The following CUL2 variants were observed in gnomAD, a reference collection of about 807,000 sequenced individuals.
CUL2 encodes cullin-2.
A neutral mutation model predicts 110.2 loss-of-function variants in CUL2; 22 were observed. The ratio of observed to expected loss-of-function variants is 0.20; its 90% CI spans 0.14 to 0.28. The LOEUF is 0.28. Ranked by LOEUF, CUL2 falls within the 10% of genes least tolerant of loss-of-function variation. CUL2 has a pLI of 1.00. For missense variants in CUL2, 631 were observed against 905.5 expected, an observed-to-expected ratio of 0.70 and a Z score of 3.89; for synonymous variants, 279 against 293.2, an observed-to-expected ratio of 0.95 and a Z score of 0.49.
chr10:35,041,788 C>T (rs1017649280), intron 8 of CUL2, among the ~76,000 whole-genome samples: 1 of 152,190 alleles, frequency 6.6e-6, no homozygotes, highest in Non-Finnish European at 1.5e-5. Context: ...CTGCCCGCCT[C>T]AGCCTCCCAA....
At chr10:35,094,008 A>G (rs112112839), upstream of CUL2, among the ~76,000 whole-genome samples, 937 of 152,238 alleles carry the variant, frequency 6.2e-3, 12 homozygotes, top group African/African-American at 0.021. Context: ...TTTATCCTTT[A>G]AATTTCTAAT....
intron 1 of CUL2, among the ~76,000 whole-genome samples, chr10:35,083,814 A>G (rs1228001296): frequency 6.6e-6 from 1 of 152,212 alleles, no homozygotes; most frequent in Non-Finnish European, 1.5e-5. Context: ...ACCAGCCTGG[A>G]GCATAGCCTG....
chr10:35,010,940 CACATGG>C (rs2084884357), intron 20 of CUL2, among the ~76,000 whole-genome samples: 1 of 152,212 alleles, frequency 6.6e-6, no homozygotes, highest in Non-Finnish European at 1.5e-5. Flanking sequence ...AGCTGTCTAT[CACATGG>C]TAGGCTCAGA....
chr10:35,115,790 G>T (rs1411985496), intron 1 of CUL2, among the ~76,000 whole-genome samples: 1 of 152,022 alleles, frequency 6.6e-6, no homozygotes. Context: ...CTACTAGGGG[G>T]ACTGAGGCAG....
intron 1 of CUL2, among the ~76,000 whole-genome samples, chr10:35,107,399 T>C (rs1331232080): frequency 3.3e-5 from 5 of 152,164 alleles, no homozygotes; most frequent in African/African-American, 9.6e-5. Flanking sequence ...CAAGTGTTTT[T>C]CATAATTGTC....
upstream of CUL2, among the ~76,000 whole-genome samples, chr10:35,094,612 A>T (rs2087269009): frequency 6.6e-6 from 1 of 152,162 alleles, no homozygotes; most frequent in Non-Finnish European, 1.5e-5. Flanking sequence ...CTTCACTCTC[A>T]TCATGTTCCT....
At chr10:35,096,326 C>T (rs2087299286) in intron 2 of CUL2, among the ~76,000 whole-genome samples, 4 of 152,052 alleles carry the variant, frequency 2.6e-5, no homozygotes, top group South Asian at 2.1e-4. Flanking sequence ...ACGTGATGGC[C>T]GGGTACAGTG....
intron 3 of CUL2, among the ~76,000 whole-genome samples, chr10:35,062,626 G>A (rs2086411278): frequency 6.7e-6 from 1 of 149,860 alleles, no homozygotes; most frequent in Non-Finnish European, 1.5e-5. Flanking sequence ...GAGCCCAGGA[G>A]TTTGAGACCA....
chr10:35,026,633 C>T (rs1008105418), intron 16 of CUL2, among the ~76,000 whole-genome samples: 2 of 152,046 alleles, frequency 1.3e-5, no homozygotes, highest in African/African-American at 2.4e-5. Flanking sequence ...ACTGATTCAT[C>T]CTTACATTTA....
At chr10:35,098,424 A>G (rs2087329944) in intron 2 of CUL2, among the ~76,000 whole-genome samples, 1 of 152,160 alleles carries the variant, frequency 6.6e-6, no homozygotes, top group Non-Finnish European at 1.5e-5. Context: ...GAACTGTTAC[A>G]TCATATTAAA....
At chr10:35,068,570 G>C (rs905722578) in intron 2 of CUL2, among the ~76,000 whole-genome samples, 1 of 152,154 alleles carries the variant, frequency 6.6e-6, no homozygotes, top group Non-Finnish European at 1.5e-5. Flanking sequence ...ATTGTTCAAT[G>C]TTCTATTGAT....
chr10:35,073,912 C>T (rs1349863832), intron 1 of CUL2, among the ~76,000 whole-genome samples: 1 of 152,092 alleles, frequency 6.6e-6, no homozygotes, highest in Non-Finnish European at 1.5e-5. Flanking sequence ...GACCTGTTCT[C>T]CCCATTTTCT....
chr10:35,074,893 C>G (rs927144687), intron 1 of CUL2, among the ~76,000 whole-genome samples: 1 of 152,192 alleles, frequency 6.6e-6, no homozygotes, highest in Admixed American at 6.5e-5. Flanking sequence ...AGTACTTCAT[C>G]GCTCTGAACT....
intron 6 of CUL2, among the ~76,000 whole-genome samples, chr10:35,048,197 T>C (rs2086000825): frequency 6.9e-6 from 1 of 145,108 alleles, no homozygotes; most frequent in Admixed American, 6.9e-5. Context: ...CTTAGTTTCC[T>C]TAACTTTAAC....
chr10:35,061,989 C>T (rs911783216), intron 3 of CUL2, among the ~76,000 whole-genome samples: 1 of 152,046 alleles, frequency 6.6e-6, no homozygotes, highest in African/African-American at 2.4e-5. Flanking sequence ...TGTTTTATTC[C>T]CATTTTATAG....
intron 5 of CUL2, among the ~76,000 whole-genome samples, chr10:35,052,787 T>A (rs1006575956): frequency 8.6e-5 from 13 of 150,968 alleles, no homozygotes; most frequent in African/African-American, 2.9e-4. Context: ...CCCAGCTACT[T>A]GGGAGGCTGA....
intron 1 of CUL2, among the ~76,000 whole-genome samples, chr10:35,106,468 G>A (rs1475490114): frequency 2.0e-5 from 3 of 151,260 alleles, no homozygotes; most frequent in Non-Finnish European, 4.4e-5. Context: ...TAGAGGCGCC[G>A]GCCACCACGC....
intron 8 of CUL2, among the ~76,000 whole-genome samples, chr10:35,041,407 A>T (rs915197390): frequency 6.6e-6 from 1 of 152,180 alleles, no homozygotes; most frequent in South Asian, 2.1e-4. Flanking sequence ...GGCCAAAGCT[A>T]TAAGAGGAAC....
chr10:35,046,200 C>CAT (rs1406341796), intron 6 of CUL2, among the ~76,000 whole-genome samples: 1 of 152,208 alleles, frequency 6.6e-6, no homozygotes, highest in Non-Finnish European at 1.5e-5. Flanking sequence ...CTGACTAGTT[C>CAT]ATATAATAAG....
Sources: allele counts gnomAD v4.1 joint callset (sites outside exome capture counted in the v4.1 genomes callset), GRCh38; gene constraint gnomAD v4.1.1; transcripts MANE v1.5; gene names NCBI Gene and HGNC (gene_info 2026-07-23, HGNC 2026-07-21).